The following ZPLD1 variants were observed in gnomAD, a reference collection of about 807,000 sequenced individuals.
ZPLD1 encodes zona pellucida like domain containing 1.
Under a neutral mutation model 47.2 loss-of-function variants are expected in ZPLD1, and 34 were observed. That is an observed-to-expected ratio of 0.72 (90% confidence interval 0.55 to 0.96). The LOEUF (loss-of-function observed/expected upper bound fraction) is 0.96. Among genes scored for constraint, ZPLD1 ranks in the 40% least tolerant of loss-of-function variants. ZPLD1 has a pLI of 0.00. For missense variants in ZPLD1, 512 were observed against 505.8 expected, an observed-to-expected ratio of 1.01 and a Z score of -0.12; for synonymous variants, 176 against 186.2, an observed-to-expected ratio of 0.95 and a Z score of 0.45.
intron 8 of ZPLD1, among the ~76,000 whole-genome samples, chr3:102,466,355 A>C (rs1208092093): frequency 4.6e-5 from 7 of 152,208 alleles, no homozygotes; most frequent in Non-Finnish European, 7.3e-5. Flanking sequence ...AGGGAAATCC[A>C]ACTCTTTCAA....
chr3:102,442,214 T>C (rs1477082882), intron 3 of ZPLD1, among the ~76,000 whole-genome samples: 1 of 152,076 alleles, frequency 6.6e-6, no homozygotes, highest in Non-Finnish European at 1.5e-5. Context: ...ATTTGTGTTT[T>C]GTTTGTATTT....
At position 102,438,537 on chromosome 3, in the gene ZPLD1, G is replaced by C. The variant is rs910451277; in HGVS notation, c.50G>C (p.Gly17Ala). 4.3e-5 allele frequency: 69 copies of C among 1,613,724 alleles called. No homozygotes were observed. The highest frequency in any genetic ancestry group is 5.1e-6 in the Non-Finnish European group (6 of 1,179,844). The change falls in exon 3 of 12, where the codon GGG becomes GCG. Residue 17 changes from glycine (G) to alanine (A), a missense_variant. Physicochemically the swap from Gly to Ala is moderately conservative, Grantham distance 60. Coordinates refer to ENST00000466937, the MANE Select transcript of ZPLD1 (RefSeq NM_001329788.2). Reference protein sequence around the residue: ...LLLLTIRVLPGSAQFNGYNCD... With the variant: ...LLLLTIRVLPASAQFNGYNCD... ...CTTCTAACAATTAGAGTGCTTCCGG[G>C]GTCTGCTCAGTTCAACGGCTACAAC...
intron 3 of ZPLD1, among the ~76,000 whole-genome samples, chr3:102,451,798 C>G (rs1329406106): frequency 1.3e-5 from 2 of 152,168 alleles, no homozygotes; most frequent in Non-Finnish European, 2.9e-5. Context: ...CCCCGTGTCT[C>G]TGTCTCTTCA....
intron 8 of ZPLD1, among the ~76,000 whole-genome samples, chr3:102,429,439 T>C (rs1393382259): frequency 1.3e-5 from 2 of 152,202 alleles, no homozygotes; most frequent in Non-Finnish European, 2.9e-5. Context: ...GGGGAATTTC[T>C]ATATTACAAG....
At chr3:102,407,392 AATATAT>A (rs63183460) in intron 7 of ZPLD1, among the ~76,000 whole-genome samples, 1,456 of 37,732 alleles carry the variant, frequency 0.039, 26 homozygotes, top group Non-Finnish European at 0.059. Context: ...TTGATTTTCA[AATATAT>A]ATATATATAT....
chr3:102,459,264 A>G (rs1473278228), intron 6 of ZPLD1, among the ~76,000 whole-genome samples: 1 of 152,176 alleles, frequency 6.6e-6, no homozygotes, highest in African/African-American at 2.4e-5. Context: ...ATTTATATGC[A>G]TAAGCTGTCT....
chr3:102,440,394 T>A (rs750460184), intron 3 of ZPLD1, among the ~76,000 whole-genome samples: 9 of 151,988 alleles, frequency 5.9e-5, no homozygotes, highest in Non-Finnish European at 1.2e-4. Flanking sequence ...ATTGATTTGG[T>A]TTGGGAGGTG....
intron 3 of ZPLD1, 36 bp from the exon 4 acceptor site, chr3:102,452,883 T>C: frequency 6.2e-7 from 1 of 1,601,852 alleles, no homozygotes. Context: ...TCTGCTTTTC[T>C]GACTTATGTT....
chr3:102,432,343 T>A (rs1707026084), upstream of ZPLD1, among the ~76,000 whole-genome samples: 1 of 152,164 alleles, frequency 6.6e-6, no homozygotes, highest in Admixed American at 6.5e-5. Context: ...GCCTCACCGA[T>A]GCCAAAGAAC....
chr3:102,462,803 TG>T (rs1382127321), intron 7 of ZPLD1, among the ~76,000 whole-genome samples: 1 of 152,142 alleles, frequency 6.6e-6, no homozygotes, highest in Non-Finnish European at 1.5e-5. Flanking sequence ...TTACATAAAA[TG>T]ATCTCCAGAA....
intron 10 of ZPLD1, among the ~76,000 whole-genome samples, chr3:102,475,423 TTC>T (rs1307924520): frequency 6.6e-6 from 1 of 152,174 alleles, no homozygotes; most frequent in Non-Finnish European, 1.5e-5. Context: ...GAAAGGAACT[TTC>T]TATTTTTTAG....
chr3:102,435,083 T>A lies in ZPLD1; in HGVS notation c.-194T>A, dbSNP rs1707067381. On this transcript the variant is annotated 5_prime_UTR_variant, in exon 1 of 12. Transcript: ENST00000466937. ...TCAGAAAAGTATTTAGGGACTGTGC[T>A]AAAATAGCATCTCCAAGCTTGCTAT... 1.2e-6 allele frequency: 2 copies of A among 1,613,668 alleles called. No individual in the cohort carries two copies. Among genetic ancestry groups the A allele is most frequent in the Non-Finnish European group, 1.7e-6 (2 of 1,179,702 alleles).
Position 102,436,960 on chromosome 3 carries a change from A to G in ZPLD1, c.-22A>G. On this transcript the variant is annotated 5_prime_UTR_variant, in exon 2 of 12. Transcript: ENST00000466937. ...ATGAGAAGGAAGTGGTGGAGCATGG[A>G]GCATGGAATAAATGTGGGTGCAGTG... is the stretch of plus-strand genomic sequence containing the variant. The G allele has an allele frequency of 1.0e-6, 1 of 985,194 alleles. No individual in the cohort carries two copies. 61.0% of individuals were successfully genotyped at this position (985,194 alleles called of 1,614,324 possible). A position where few individuals can be genotyped will look rare whatever the true frequency, so the allele number is the denominator to read the frequency against.
chr3:102,392,344 AAAAGGG>A (rs1706505186), intron 7 of ZPLD1: 1 of 152,194 alleles, frequency 6.6e-6, no homozygotes, highest in African/African-American at 2.4e-5. Flanking sequence ...ATTTGTAAAG[AAAAGGG>A]ATTCATTTCT....
intron 7 of ZPLD1, chr3:102,392,349 G>A (rs1363367961): frequency 6.6e-6 from 1 of 152,102 alleles, no homozygotes; most frequent in East Asian, 1.9e-4. Context: ...TAAAGAAAAG[G>A]GATTCATTTC....
At chr3:102,442,223 T>C (rs1358326924) in intron 3 of ZPLD1, among the ~76,000 whole-genome samples, 1 of 151,992 alleles carries the variant, frequency 6.6e-6, no homozygotes, top group African/African-American at 2.4e-5. Flanking sequence ...TTGTTTGTAT[T>C]TTTTCTTACA....
chr3:102,475,060 C>A (rs1365848549), intron 10 of ZPLD1, among the ~76,000 whole-genome samples: 1 of 151,736 alleles, frequency 6.6e-6, no homozygotes. Context: ...TAAAGCAATT[C>A]TCTCTACCTT....
At chr3:102,429,027 A>C (rs1706984452) in intron 8 of ZPLD1, among the ~76,000 whole-genome samples, 1 of 152,126 alleles carries the variant, frequency 6.6e-6, no homozygotes, top group South Asian at 2.1e-4. Flanking sequence ...TTTGTCTTCT[A>C]AACTAACTGA....
chr3:102,464,162 T>C lies in ZPLD1; in HGVS notation c.681-9T>C, dbSNP rs371649066. On this transcript the variant is annotated splice_polypyrimidine_tract_variant and intron_variant, in intron 7 of 11. Coordinates refer to ENST00000466937, the MANE Select transcript of ZPLD1 (RefSeq NM_001329788.2). ...TGACTCTAGATTATGTTTGCTTACA[T>C]TCTTTCAGATGGAATGTTTTAATGG... 1.6e-5 allele frequency: 26 copies of C among 1,602,284 alleles called. No homozygotes were observed. The highest frequency in any genetic ancestry group is 3.3e-5 in the Admixed American group (2 of 59,826).
Sources: allele counts gnomAD v4.1 joint callset (sites outside exome capture counted in the v4.1 genomes callset), GRCh38; gene constraint gnomAD v4.1.1; transcripts MANE v1.5; gene names NCBI Gene and HGNC (gene_info 2026-07-23, HGNC 2026-07-21).